RALGAPA2: variants seen among roughly 807,000 people sequenced by gnomAD.
The protein encoded by RALGAPA2 is ral GTPase-activating protein subunit alpha-2.
In RALGAPA2, 139 loss-of-function variants were observed where a neutral mutation model predicts 230.4. That is an observed-to-expected ratio of 0.60 (90% CI 0.53 to 0.69). The LOEUF is 0.69. Among genes scored for constraint, RALGAPA2 ranks in the 30% least tolerant of loss-of-function variants. RALGAPA2 has a pLI of 0.00. For missense variants in RALGAPA2, 2,163 were observed against 2,276.0 expected (o/e 0.95, Z 1.01); for synonymous variants, 847 against 837.8 (o/e 1.01, Z -0.19).
At chr20:20,590,284 G>A (rs1404519891) in intron 17 of RALGAPA2, among the ~76,000 whole-genome samples, 1 of 151,918 alleles carries the variant, frequency 6.6e-6, no homozygotes, top group Non-Finnish European at 1.5e-5. Context: ...GAAAAATGCA[G>A]GCAACTGGTA....
chr20:20,608,203 C>G (rs1394093154), intron 14 of RALGAPA2, among the ~76,000 whole-genome samples: 1 of 152,178 alleles, frequency 6.6e-6, no homozygotes, highest in Non-Finnish European at 1.5e-5. Flanking sequence ...ATAAATCACT[C>G]CTGTTCTTAT....
At chr20:20,457,728 CA>C (rs1483180149) in intron 37 of RALGAPA2, among the ~76,000 whole-genome samples, 1 of 152,208 alleles carries the variant, frequency 6.6e-6, no homozygotes, top group Non-Finnish European at 1.5e-5. Flanking sequence ...TGCCCTCACG[CA>C]GGGGGCACGG....
intron 38 of RALGAPA2, among the ~76,000 whole-genome samples, chr20:20,408,583 C>A (rs774577442): frequency 6.6e-6 from 1 of 152,160 alleles, no homozygotes; most frequent in African/African-American, 2.4e-5. Flanking sequence ...TGAACAGATG[C>A]ACTTGGCTGT....
chr20:20,512,246 C>CACACACACACAT (rs1556256397), intron 32 of RALGAPA2, among the ~76,000 whole-genome samples: 9 of 151,384 alleles, frequency 5.9e-5, no homozygotes, highest in African/African-American at 2.2e-4. Context: ...CACATACACA[C>CACACACACACAT]ACACACACAC....
chr20:20,707,005 TC>T (rs1555831929), intron 1 of RALGAPA2, among the ~76,000 whole-genome samples: 1 of 152,160 alleles, frequency 6.6e-6, no homozygotes, highest in Non-Finnish European at 1.5e-5. Context: ...AGATCCCATG[TC>T]CCACAACCCC....
chr20:20,613,800 G>T (rs1250470048), intron 13 of RALGAPA2, among the ~76,000 whole-genome samples: 1 of 152,060 alleles, frequency 6.6e-6, no homozygotes, highest in Non-Finnish European at 1.5e-5. Flanking sequence ...TTCACTCAGG[G>T]CTCTGCTCAG....
chr20:20,638,243 A>ATC (rs2066923562), intron 7 of RALGAPA2, among the ~76,000 whole-genome samples: 1 of 152,200 alleles, frequency 6.6e-6, no homozygotes, highest in African/African-American at 2.4e-5. Context: ...CAGCCCTTAG[A>ATC]TAAGACCTGT....
Position 20,396,688 on chromosome 20 carries a change from G to C in RALGAPA2, c.*35+7C>G. ...GCTGGACAAATCCACTGAAGTGTCT[G>C]TCTTACCTTGCTCAAATATTGAAAT... On this transcript the variant is annotated splice_region_variant and intron_variant, in intron 39 of 39. Coordinates refer to ENST00000202677, the MANE Select transcript of RALGAPA2 (RefSeq NM_020343.4). 2 of 1,607,444 alleles carry C rather than the reference G, an allele frequency of 1.2e-6. No homozygotes were observed. The highest frequency in any genetic ancestry group is 1.7e-6 in the Non-Finnish European group (2 of 1,174,706).
At chr20:20,521,684 C>A (rs1361921840) in intron 30 of RALGAPA2, among the ~76,000 whole-genome samples, 2 of 152,178 alleles carry the variant, frequency 1.3e-5, no homozygotes, top group Non-Finnish European at 2.9e-5. Flanking sequence ...ACAAGCCATG[C>A]AAACACAAAT....
At chr20:20,627,630 G>A (rs903014117) in intron 10 of RALGAPA2, among the ~76,000 whole-genome samples, 3 of 152,172 alleles carry the variant, frequency 2.0e-5, no homozygotes, top group African/African-American at 7.2e-5. Context: ...TCTCATGTTG[G>A]TGAATCATGA....
intron 38 of RALGAPA2, among the ~76,000 whole-genome samples, chr20:20,404,075 T>C (rs1027668700): frequency 6.7e-6 from 1 of 149,538 alleles, no homozygotes; most frequent in African/African-American, 2.5e-5. Context: ...ATCTGGATTT[T>C]ATTGTCTCAT....
In RALGAPA2 at chr20:20,577,283, G is replaced by C. The variant is rs186859810; in HGVS notation, c.2708-4215C>G. ...AAAAATGAAACTGAAAAGGAGGGCA[G>C]GTCCAAAAATGGCTGCTCACTATAA... On this transcript the variant is annotated intron_variant, in intron 20 of 39. Transcript: ENST00000202677. Among the ~76,000 whole-genome samples, 532 of 152,170 alleles carry C rather than the reference G, an allele frequency of 3.5e-3. 3 individuals are homozygous for C. Among genetic ancestry groups the C allele is most frequent in the African/African-American group, 0.012 (499 of 41,522 alleles).
At chr20:20,544,935 G>T (rs950646609) in intron 24 of RALGAPA2, among the ~76,000 whole-genome samples, 1 of 151,984 alleles carries the variant, frequency 6.6e-6, no homozygotes, top group Non-Finnish European at 1.5e-5. Context: ...CAGGTTGATG[G>T]GTGCAGCAAA....
At chr20:20,623,267 T>A (rs904812793) in intron 10 of RALGAPA2, among the ~76,000 whole-genome samples, 8 of 152,056 alleles carry the variant, frequency 5.3e-5, no homozygotes, top group African/African-American at 1.9e-4. Context: ...AGGCTGAAAG[T>A]AAAGAGTTAG....
At chr20:20,453,360 T>A (rs2061034062) in intron 37 of RALGAPA2, among the ~76,000 whole-genome samples, 1 of 151,966 alleles carries the variant, frequency 6.6e-6, no homozygotes, top group South Asian at 2.1e-4. Context: ...GGGGAAGGTG[T>A]CTGGCAGACA....
intron 38 of RALGAPA2, among the ~76,000 whole-genome samples, chr20:20,405,053 G>A (rs1268600466): frequency 4.6e-5 from 7 of 152,082 alleles, no homozygotes. Context: ...TTTTGTCCAT[G>A]GGCCTTCCAG....
chr20:20,691,144 G>A (rs187616664), intron 1 of RALGAPA2, among the ~76,000 whole-genome samples: 1 of 152,002 alleles, frequency 6.6e-6, no homozygotes, highest in Non-Finnish European at 1.5e-5. Context: ...CTCGTCACCC[G>A]CTATTTCTTA....
chr20:20,463,140 T>TG (rs1440447654), intron 37 of RALGAPA2, among the ~76,000 whole-genome samples: 1 of 152,172 alleles, frequency 6.6e-6, no homozygotes, highest in Admixed American at 6.5e-5. Flanking sequence ...TTTTTTTTTT[T>TG]TTGTTAAAGA....
At position 20,676,288 on chromosome 20, in the gene RALGAPA2, C is replaced by T; in HGVS notation, c.218G>A (p.Gly73Glu). 6.4e-7 allele frequency: 1 copy of T among 1,556,996 alleles called. No homozygotes were observed. Among genetic ancestry groups the T allele is most frequent in the Non-Finnish European group, 8.8e-7 (1 of 1,135,416 alleles). The change falls in exon 3 of 40, where the codon GGG (glycine) becomes GAG (glutamate). Residue 73 changes from glycine (G) to glutamate (E), a missense_variant and splice_region_variant. Gly to Glu is a moderately conservative substitution (Grantham distance 98). Transcript: ENST00000202677. ...CTCCTCCCTTTGTGACTTATTATTC[C>T]CTGGAATATTAAAAAATAATTAGTT... ...IALENSLKLKGNNKSQREELD... is the reference protein window; with the variant it reads ...IALENSLKLKENNKSQREELD...
Sources: allele counts gnomAD v4.1 joint callset (sites outside exome capture counted in the v4.1 genomes callset), GRCh38; gene constraint gnomAD v4.1.1; transcripts MANE v1.5; gene names NCBI Gene and HGNC (gene_info 2026-07-23, HGNC 2026-07-21).